The following POLN variants were observed in gnomAD, a reference collection of about 807,000 sequenced individuals.
POLN encodes the protein DNA polymerase nu, also known as DNA polymerase N.
In POLN, 108 loss-of-function variants were observed where a neutral mutation model predicts 113.5. The observed-to-expected ratio is 0.95, with a 90% CI of 0.81 to 1.12. The LOEUF (loss-of-function observed/expected upper bound fraction) is 1.12, where lower values mean the gene tolerates loss of function less well. Ranked by LOEUF, POLN falls within the 50% of genes most tolerant of loss-of-function variation. The probability of loss-of-function intolerance (pLI) is 0.00; values close to 1 mark genes in which losing one functional copy is unlikely to be tolerated. For missense variants in POLN, 1,097 were observed against 1,077.1 expected, an observed-to-expected ratio of 1.02 and a Z score of -0.26; for synonymous variants, 386 against 391.5, an observed-to-expected ratio of 0.99 and a Z score of 0.17.
In POLN at chr4:2,143,360, C is replaced by A. The variant is rs958600738; in HGVS notation, c.1732-12070G>T. ...AAATTATGAATATCAGAAATGAAAC[C>A]AGGAATATCACTACAGACCCTAAGA... On this transcript the variant is annotated intron_variant, in intron 16 of 25. Coordinates refer to ENST00000511885, the MANE Select transcript of POLN (RefSeq NM_181808.4). Among the ~76,000 whole-genome samples the A allele has an allele frequency of 1.6e-4, 25 of 151,750 alleles. 1 individual carries two copies. Among genetic ancestry groups the A allele is most frequent in the Non-Finnish European group, 5.9e-5 (4 of 67,932 alleles).
chr4:2,163,051 A>AAAAAAAT (rs1732639892), intron 13 of POLN, among the ~76,000 whole-genome samples: 1 of 134,750 alleles, frequency 7.4e-6, no homozygotes, highest in African/African-American at 2.6e-5. Flanking sequence ...AAAAAAAAAA[A>AAAAAAAT]CTCCTGCCAG....
rs1730706266 is a variant in POLN, at chr4:2,093,140, GGC to G, written c.2065+2709_2065+2710del. Among the ~76,000 whole-genome samples, 1 of 152,092 alleles carries G rather than the reference GGC, an allele frequency of 6.6e-6. No homozygotes were observed. The highest frequency in any genetic ancestry group is 2.4e-5 in the African/African-American group (1 of 41,412). ...ATACTCCAGAAGGAGCCAAACGGGT[GGC>G]AGAGAAGACCACCTTTTTCTGGGTA... On this transcript the variant is annotated intron_variant, in intron 20 of 25. Coordinates refer to ENST00000511885, the MANE Select transcript of POLN (RefSeq NM_181808.4). The surrounding 1 kb of genome is among the most constrained non-coding windows in gnomAD (Gnocchi z 4.1).
At chr4:2,209,851 G>T (rs527622698) in intron 4 of POLN, among the ~76,000 whole-genome samples, 2 of 150,592 alleles carry the variant, frequency 1.3e-5, no homozygotes, top group Non-Finnish European at 3.0e-5. Flanking sequence ...TAGTAGAGAT[G>T]GGGTTTCACC....
chr4:2,179,224 A>G, intron 8 of POLN, 84 bp downstream of exon 8: 1 of 1,269,532 alleles, frequency 7.9e-7, no homozygotes, highest in Non-Finnish European at 1.1e-6. Flanking sequence ...TCTTTTTACT[A>G]TTAGGCTATC....
chr4:2,087,531 T>C (rs1730577907), intron 20 of POLN, among the ~76,000 whole-genome samples: 1 of 152,254 alleles, frequency 6.6e-6, no homozygotes, highest in Non-Finnish European at 1.5e-5. Flanking sequence ...TTTGGATATA[T>C]AGTTTTCAGT....
intron 7 of POLN, among the ~76,000 whole-genome samples, chr4:2,187,673 A>C (rs1194215996): frequency 6.6e-6 from 1 of 152,170 alleles, no homozygotes; most frequent in African/African-American, 2.4e-5. Context: ...TATAATAAAC[A>C]AGCCCCCAAA....
chr4:2,072,329 C>G lies in POLN; in HGVS notation c.2518-30G>C, dbSNP rs189042634. The G allele has an allele frequency of 3.3e-4, 496 of 1,491,074 alleles. 2 individuals are homozygous for G. The African/African-American group carries it at 6.1e-3, about 18-fold the overall frequency. The allele number at this position is 1,491,074 out of a possible 1,614,324, so 92.4% of individuals were successfully genotyped here. A position where few individuals can be genotyped will look rare whatever the true frequency, so the allele number is the denominator to read the frequency against. On this transcript the variant is annotated intron_variant, in intron 25 of 25. Transcript: ENST00000511885. Reference sequence around the variant, plus strand: ...AGGTGGCAGCCAGAGGTGAGCCCCACGCCTGGGCCAGCCACCCCCAGCCAC... The same window carrying G: ...AGGTGGCAGCCAGAGGTGAGCCCCAGGCCTGGGCCAGCCACCCCCAGCCAC...
At chr4:2,124,559 A>G (rs1731531248) in intron 19 of POLN, among the ~76,000 whole-genome samples, 3 of 152,208 alleles carry the variant, frequency 2.0e-5, no homozygotes, top group South Asian at 4.1e-4. Flanking sequence ...GATTATGGGC[A>G]TGCGCCACTG....
chr4:2,153,235 T>C (rs1436898007), intron 16 of POLN, among the ~76,000 whole-genome samples: 1 of 152,220 alleles, frequency 6.6e-6, no homozygotes, highest in Non-Finnish European at 1.5e-5. Context: ...CATGTCTCTA[T>C]GTGTATATGT....
At chr4:2,168,027 T>C (rs903230426) in intron 13 of POLN, among the ~76,000 whole-genome samples, 2 of 152,074 alleles carry the variant, frequency 1.3e-5, no homozygotes, top group South Asian at 2.1e-4. Flanking sequence ...TGAGAAAATA[T>C]GTAGAGTCAA....
chr4:2,240,407 G>A, intron 2 of POLN: 1 of 1,612,972 alleles, frequency 6.2e-7, no homozygotes, highest in Non-Finnish European at 8.5e-7. Flanking sequence ...TAGAATGTCT[G>A]AAGAACATCA....
chr4:2,125,042 G>A (rs1005587610), intron 19 of POLN, among the ~76,000 whole-genome samples: 3 of 152,150 alleles, frequency 2.0e-5, no homozygotes, highest in Non-Finnish European at 4.4e-5. Context: ...TTATATTTAG[G>A]GCAATCCTAA....
chr4:2,085,852 G>C (rs1349415242), intron 20 of POLN, 108 bp from the exon 21 acceptor site: 2 of 1,475,656 alleles, frequency 1.4e-6, no homozygotes, highest in African/African-American at 1.4e-5. Flanking sequence ...TTTCTGATGG[G>C]TTGGGATGGA....
chr4:2,219,587 C>T (rs1734202507), intron 3 of POLN, among the ~76,000 whole-genome samples: 1 of 151,966 alleles, frequency 6.6e-6, no homozygotes, highest in South Asian at 2.1e-4. Context: ...GCAGACACCA[C>T]TGAGATTCTC....
chr4:2,166,040 G>A (rs1361805030), intron 13 of POLN, among the ~76,000 whole-genome samples: 1 of 152,092 alleles, frequency 6.6e-6, no homozygotes, highest in Non-Finnish European at 1.5e-5. Flanking sequence ...GCCTCCCAAC[G>A]TGCTGGGATT....
chr4:2,190,106 A>T (rs1422061836), intron 7 of POLN, among the ~76,000 whole-genome samples: 1 of 152,108 alleles, frequency 6.6e-6, no homozygotes, highest in Non-Finnish European at 1.5e-5. Context: ...CAAAGCAATC[A>T]TGAGCAAAAA....
chr4:2,238,383 G>A (rs1040441718), intron 2 of POLN, among the ~76,000 whole-genome samples: 1 of 150,670 alleles, frequency 6.6e-6, no homozygotes, highest in Non-Finnish European at 1.5e-5. Flanking sequence ...ATCCACTTAA[G>A]CTATAAAGTA....
chr4:2,165,315 A>G (rs1732702896), intron 13 of POLN, among the ~76,000 whole-genome samples: 1 of 152,228 alleles, frequency 6.6e-6, no homozygotes, highest in African/African-American at 2.4e-5. Flanking sequence ...TAAGTGAAAT[A>G]AGTCAATCCG....
chr4:2,129,617 C>CA (rs1731670422), intron 17 of POLN, among the ~76,000 whole-genome samples: 1 of 152,168 alleles, frequency 6.6e-6, no homozygotes, highest in African/African-American at 2.4e-5. Flanking sequence ...CTCAAACTCT[C>CA]AGACTTAAGC....
Sources: allele counts gnomAD v4.1 joint callset (sites outside exome capture counted in the v4.1 genomes callset), GRCh38; gene constraint gnomAD v4.1.1; non-coding constraint Gnocchi (gnomAD v3.1); transcripts MANE v1.5; gene names NCBI Gene and HGNC (gene_info 2026-07-23, HGNC 2026-07-21).